Variants in PRKAG2 observed in about 807,000 individuals in gnomAD.
PRKAG2 encodes protein kinase AMP-activated non-catalytic subunit gamma 2.
A neutral mutation model predicts 69.6 loss-of-function variants in PRKAG2; 26 were observed. The ratio of observed to expected loss-of-function variants is 0.37; its 90% CI spans 0.27 to 0.52. PRKAG2 has a LOEUF of 0.52. PRKAG2 is among the 20% of genes least tolerant of loss of function. PRKAG2 has a pLI of 0.90. For synonymous variants in PRKAG2, 293 were observed against 285.0 expected, an observed-to-expected ratio of 1.03 and a Z score of -0.28; for missense variants, 557 against 740.0, an observed-to-expected ratio of 0.75 and a Z score of 2.87.
At chr7:151,649,891 T>C (rs1649680388) in intron 4 of PRKAG2, among the ~76,000 whole-genome samples, 1 of 152,182 alleles carries the variant, frequency 6.6e-6, no homozygotes, top group Admixed American at 6.5e-5. Context: ...CAGGTATTTA[T>C]AGCAATGAGA....
In PRKAG2 at chr7:151,567,033, G is replaced by C. The variant is rs1320039614; in HGVS notation, c.1234-1148C>G. On this transcript the variant is annotated intron_variant, in intron 11 of 15. Coordinates refer to ENST00000287878, the MANE Select transcript of PRKAG2 (RefSeq NM_016203.4). The surrounding 1 kb of genome is among the most constrained non-coding windows in gnomAD (Gnocchi z 4.2). ...GAAGATAAAAATCTGAAGCAGCTCT[G>C]CAAAAGAATGATCTCACGCTTTTAC... is the stretch of plus-strand genomic sequence containing the variant. Among the ~76,000 whole-genome samples the C allele has an allele frequency of 6.6e-6, 1 of 152,202 alleles. No homozygotes were observed. The highest frequency in any genetic ancestry group is 2.4e-5 in the African/African-American group (1 of 41,458).
rs576564637 is a variant in PRKAG2, at chr7:151,876,771, G to A, written c.-151C>T. 1.6e-4 allele frequency: 126 copies of A among 777,376 alleles called. No homozygotes were observed. The South Asian group carries it at 1.8e-3, about 11-fold the overall frequency. The allele number at this position is 777,376 out of a possible 1,614,324, so 48.2% of individuals were successfully genotyped here. A position where few individuals can be genotyped will look rare whatever the true frequency, so the allele number is the denominator to read the frequency against. ...CTTCCGCGGAGAGGGAGGGTGAGCAGGGAACTCGCGCGGCCGCCGCCGCCG... is the reference window on the plus strand; with the variant it reads ...CTTCCGCGGAGAGGGAGGGTGAGCAAGGAACTCGCGCGGCCGCCGCCGCCG... On this transcript the variant is annotated 5_prime_UTR_variant, in exon 1 of 16. Transcript: ENST00000287878.
At chr7:151,834,382 A>T (rs1267898686) in intron 1 of PRKAG2, among the ~76,000 whole-genome samples, 1 of 152,258 alleles carries the variant, frequency 6.6e-6, no homozygotes, top group Non-Finnish European at 1.5e-5. Flanking sequence ...GTCGCCAGGC[A>T]CACTGAGTTA....
chr7:151,616,908 T>C (rs1262574766), intron 5 of PRKAG2, among the ~76,000 whole-genome samples: 2 of 152,114 alleles, frequency 1.3e-5, no homozygotes, highest in Non-Finnish European at 2.9e-5. Flanking sequence ...TCATGGGATA[T>C]GGCTGGAGAT....
At chr7:151,673,843 T>TTA (rs1832460064) in intron 4 of PRKAG2, among the ~76,000 whole-genome samples, 1 of 138,948 alleles carries the variant, frequency 7.2e-6, no homozygotes, top group South Asian at 2.3e-4. Flanking sequence ...GTGTTCTTTT[T>TTA]TTTTTTTTTT....
chr7:151,819,761 G>A (rs1046898190), intron 1 of PRKAG2, among the ~76,000 whole-genome samples: 24 of 152,060 alleles, frequency 1.6e-4, no homozygotes, highest in Non-Finnish European at 3.1e-4. Context: ...GGTGAAAACC[G>A]GTCCCCTGAG....
chr7:151,793,568 G>A (rs965432421), intron 1 of PRKAG2, among the ~76,000 whole-genome samples: 10 of 152,126 alleles, frequency 6.6e-5, no homozygotes, highest in Admixed American at 1.3e-4. Context: ...CCTGGACCCC[G>A]TCCTGCCCAC....
At position 151,632,667 on chromosome 7, in the gene PRKAG2, G is replaced by C; in HGVS notation, c.685-529C>G. ...GGAGAGGGGCTGGAGGCTGCAGAACGCCCCGGGGCGCCAGCTAGGGGATCC... is the reference window on the plus strand; with the variant it reads ...GGAGAGGGGCTGGAGGCTGCAGAACCCCCCGGGGCGCCAGCTAGGGGATCC... On this transcript the variant is annotated intron_variant, in intron 4 of 15. Coordinates refer to ENST00000287878, the MANE Select transcript of PRKAG2 (RefSeq NM_016203.4). This position sits in a 1 kb window ranked among gnomAD's most constrained non-coding sequence, Gnocchi z 4.2. 1.1e-6 allele frequency: 1 copy of C among 916,162 alleles called. No homozygotes were observed. Among genetic ancestry groups the C allele is most frequent in the Non-Finnish European group, 1.3e-6 (1 of 766,768 alleles). The allele number at this position is 916,162 out of a possible 1,614,324, so 56.8% of individuals were successfully genotyped here.
rs979178753 is a variant in PRKAG2, at chr7:151,719,840, A to G, written c.467-44203T>C. 6.6e-6 allele frequency among the ~76,000 whole-genome samples: 1 copy of G among 152,172 alleles called. No homozygotes were observed. Among genetic ancestry groups the G allele is most frequent in the Non-Finnish European group, 1.5e-5 (1 of 68,034 alleles). On this transcript the variant is annotated intron_variant, in intron 3 of 15. Coordinates refer to ENST00000287878, the MANE Select transcript of PRKAG2 (RefSeq NM_016203.4). The surrounding 1 kb of genome is among the most constrained non-coding windows in gnomAD (Gnocchi z 5.2). ...CAGCCTGTAAGTTGGGGCTCCAAGT[A>G]ACGCCTTCCCTGGCCCCTGTGCCTA...
chr7:151,682,822 TG>T (rs2151498925), intron 3 of PRKAG2, among the ~76,000 whole-genome samples: 1 of 62,390 alleles, frequency 1.6e-5, no homozygotes, highest in Non-Finnish European at 3.3e-5. Context: ...GGCCTGAGGG[TG>T]GGGGTGGGAC....
chr7:151,846,056 C>T (rs1220320070), intron 1 of PRKAG2, among the ~76,000 whole-genome samples: 2 of 152,194 alleles, frequency 1.3e-5, no homozygotes, highest in East Asian at 1.9e-4. Flanking sequence ...GATCAGTGCT[C>T]GCCCCTACTT....
chr7:151,868,646 C>G (rs374343668), intron 1 of PRKAG2, among the ~76,000 whole-genome samples: 1 of 152,218 alleles, frequency 6.6e-6, no homozygotes, highest in Non-Finnish European at 1.5e-5. Context: ...TCGGTGATCA[C>G]GTTCATTGGT....
chr7:151,827,445 G>A (rs2078926850), intron 1 of PRKAG2, among the ~76,000 whole-genome samples: 1 of 151,978 alleles, frequency 6.6e-6, no homozygotes, highest in African/African-American at 2.4e-5. Context: ...CACCATGTTG[G>A]CCAGGCTGGT....
At position 151,780,581 on chromosome 7, in the gene PRKAG2, C is replaced by T. The variant is rs777243793; in HGVS notation, c.466+571G>A. On this transcript the variant is annotated intron_variant, in intron 3 of 15. Coordinates refer to ENST00000287878, the MANE Select transcript of PRKAG2 (RefSeq NM_016203.4). The surrounding 1 kb of genome is among the most constrained non-coding windows in gnomAD (Gnocchi z 4.2). ...CAGATCACAAACACTAATGAACCTA[C>T]GGAACTCTTTCTTAAACACTCACAT... 1.2e-3 allele frequency among the ~76,000 whole-genome samples: 185 copies of T among 152,328 alleles called. No individual in the cohort carries two copies. Among genetic ancestry groups the T allele is most frequent in the Non-Finnish European group, 2.3e-3 (156 of 68,040 alleles).
intron 3 of PRKAG2, among the ~76,000 whole-genome samples, chr7:151,705,080 C>T (rs938001827): frequency 3.3e-5 from 5 of 152,148 alleles, no homozygotes; most frequent in Non-Finnish European, 2.9e-5. Context: ...ACATTTTTGA[C>T]GATTAGCAAG....
At chr7:151,598,276 A>G (rs921183132) in intron 5 of PRKAG2, among the ~76,000 whole-genome samples, 1 of 152,030 alleles carries the variant, frequency 6.6e-6, no homozygotes, top group Non-Finnish European at 1.5e-5. Flanking sequence ...TAGAAAGTAG[A>G]GAGTGGTTAC....
intron 15 of PRKAG2, chr7:151,560,078 A>G (rs1804566465): frequency 1.0e-6 from 1 of 984,764 alleles, no homozygotes; most frequent in African/African-American, 1.7e-5. Flanking sequence ...ATATTAATGA[A>G]TAAAAGTTTG....
At chr7:151,697,217 C>A (rs1398383619) in intron 3 of PRKAG2, among the ~76,000 whole-genome samples, 1 of 152,022 alleles carries the variant, frequency 6.6e-6, no homozygotes, top group African/African-American at 2.4e-5. Flanking sequence ...GAGCTGCACA[C>A]CCTGGGGTGG....
intron 1 of PRKAG2, among the ~76,000 whole-genome samples, chr7:151,818,461 G>T (rs1194837895): frequency 6.6e-6 from 1 of 152,238 alleles, no homozygotes; most frequent in East Asian, 1.9e-4. Flanking sequence ...GCATTGCTAT[G>T]CAGGACTACA....
Sources: allele counts gnomAD v4.1 joint callset (sites outside exome capture counted in the v4.1 genomes callset), GRCh38; gene constraint gnomAD v4.1.1; non-coding constraint Gnocchi (gnomAD v3.1); transcripts MANE v1.5; gene names NCBI Gene and HGNC (gene_info 2026-07-23, HGNC 2026-07-21).